The following WIZ variants were observed in gnomAD, a reference collection of about 807,000 sequenced individuals.
WIZ encodes the protein protein Wiz.
WIZ carries 25 observed loss-of-function variants against 140.2 expected under a neutral mutation model. The ratio of observed to expected loss-of-function variants is 0.18; its 90% CI spans 0.13 to 0.25. The LOEUF (loss-of-function observed/expected upper bound fraction) is 0.25. Among genes scored for constraint, WIZ ranks in the 10% least tolerant of loss-of-function variants. The probability of loss-of-function intolerance (pLI) is 1.00; values close to 1 mark genes in which losing one functional copy is unlikely to be tolerated. For missense variants in WIZ, 2,231 were observed against 2,632.6 expected (o/e 0.85, Z 3.34); for synonymous variants, 1,125 against 1,154.3 (o/e 0.97, Z 0.51).
Position 15,429,971 on chromosome 19 carries a change from G to A in WIZ, c.3030C>T (p.Gly1010=), listed in dbSNP as rs189657005. The change falls in exon 7 of 13, where the codon GGC becomes GGT. Residue 1010 remains glycine (G), a synonymous_variant. Coordinates refer to ENST00000673675, the MANE Select transcript of WIZ (RefSeq NM_001371589.1). ...QLGVAESESS[G]APIDLLYELV... Reference sequence around the variant, plus strand: ...GCTCGTAGAGGAGGTCGATGGGTGCGCCGCTGCTTTCCGACTCTGCCACTC... The same window carrying A: ...GCTCGTAGAGGAGGTCGATGGGTGCACCGCTGCTTTCCGACTCTGCCACTC... 1,752 of 1,536,014 alleles carry A rather than the reference G, an allele frequency of 1.1e-3. 2 individuals are homozygous for A. The highest frequency in any genetic ancestry group is 2.3e-3 in the Admixed American group (118 of 51,004).
chr19:15,430,120 G>C (rs1257073851), intron 6 of WIZ, 31 bp from the exon 7 acceptor site: 1 of 1,481,852 alleles, frequency 6.7e-7, no homozygotes, highest in East Asian at 2.5e-5. Flanking sequence ...CGGGAGAGCA[G>C]GCTGTGAGGC....
rs1240708851 is a variant in WIZ, at chr19:15,439,662, G to A, written c.1332C>T (p.Ser444=). The A allele has an allele frequency of 1.3e-6, 2 of 1,500,992 alleles. No homozygotes were observed. The highest frequency in any genetic ancestry group is 2.5e-5 in the South Asian group (2 of 79,834). The allele number at this position is 1,500,992 out of a possible 1,614,324, so 93.0% of individuals were successfully genotyped here. Residue 444 remains serine (S), a synonymous_variant, in exon 4 of 13, where the codon AGC becomes AGT. Coordinates refer to ENST00000673675, the MANE Select transcript of WIZ (RefSeq NM_001371589.1). The surrounding 1 kb of genome is among the most constrained non-coding windows in gnomAD (Gnocchi z 7.0). The part of the protein sequence containing the change: ...EPFGGSSGAG[S]PSPEASALLY... ...GGAGGGCGCTGGCCTCAGGGCTGGG[G>A]CTGCCAGCCCCGCTGCTGCCTCCAA...
At chr19:15,426,098 G>A (rs562531740) in intron 9 of WIZ, among the ~76,000 whole-genome samples, 78 of 151,596 alleles carry the variant, frequency 5.1e-4, no homozygotes, top group Non-Finnish European at 1.0e-3. Context: ...AATTCTAGCT[G>A]GCTTCAAGAT....
Position 15,421,513 on chromosome 19 carries a change from A to C in WIZ, c.*1563T>G, listed in dbSNP as rs1239838291. The stretch of plus-strand genomic sequence containing the variant: ...GATGAGCTGAAAAACCACATGCAAT[A>C]AACAAGAAGGAGCAGCCAACAAAAT... On this transcript the variant is annotated 3_prime_UTR_variant, in exon 13 of 13. Coordinates refer to ENST00000673675, the MANE Select transcript of WIZ (RefSeq NM_001371589.1). The C allele has an allele frequency of 1.3e-5, 2 of 152,306 alleles. No homozygotes were observed. The highest frequency in any genetic ancestry group is 2.9e-5 in the Non-Finnish European group (2 of 68,052). 9.4% of individuals were successfully genotyped at this position (152,306 alleles called of 1,614,324 possible). A position where few individuals can be genotyped will look rare whatever the true frequency, so the allele number is the denominator to read the frequency against.
rs1969605365 is a variant in WIZ at position 15,438,680 on chromosome 19, G to C, written c.2314C>G (p.Leu772Val). 6.5e-7 allele frequency: 1 copy of C among 1,536,038 alleles called. No homozygotes were observed. Among genetic ancestry groups the C allele is most frequent in the Non-Finnish European group, 8.7e-7 (1 of 1,146,886 alleles). Residue 772 changes from leucine (L) to valine (V), a missense_variant, in exon 4 of 13, where the codon CTG becomes GTG. By Grantham distance (32) the Leu-to-Val change is conservative (BLOSUM62 1). This residue lies in a region of WIZ where 118 missense variants were observed against 209.1 expected (regional missense o/e 0.56). Coordinates refer to ENST00000673675, the MANE Select transcript of WIZ (RefSeq NM_001371589.1). ...TTGTAGCTGACGCCCACGCGGTTCA[G>C]GTGGCCCCGGACGTGGTTGGCCAAG... ...IGLANHVRGH[L>V]NRVGVSYNVR...
At chr19:15,433,213 C>T (rs893526740) in intron 5 of WIZ, 7 of 977,816 alleles carry the variant, frequency 7.2e-6, no homozygotes, top group Non-Finnish European at 7.3e-6. Context: ...GTTATCCAAC[C>T]GTCCCCCGAC....
At chr19:15,434,600 A>AG (rs970198170) in intron 5 of WIZ, among the ~76,000 whole-genome samples, 3 of 151,554 alleles carry the variant, frequency 2.0e-5, no homozygotes, top group Non-Finnish European at 4.4e-5. Flanking sequence ...AAAAAAAAAA[A>AG]AAGAAGGAAT....
rs754050341 is a variant in WIZ at position 15,436,740 on chromosome 19, G to GC, written c.2740+65dup. 2.8e-5 allele frequency: 40 copies of GC among 1,426,446 alleles called. No individual in the cohort carries two copies. The South Asian group carries it at 5.7e-4, about 20-fold the overall frequency. The allele number at this position is 1,426,446 out of a possible 1,614,324, so 88.4% of individuals were successfully genotyped here. On this transcript the variant is annotated intron_variant, in intron 5 of 12. Transcript: ENST00000673675. ...GCTGAGCGGCTGCCCCTCCAGCCCC[G>GC]CCCCTCCAATGCTCTGGGCCCCTGG...
intron 5 of WIZ, among the ~76,000 whole-genome samples, chr19:15,435,324 C>T (rs996986524): frequency 1.3e-5 from 2 of 151,904 alleles, no homozygotes; most frequent in Non-Finnish European, 1.5e-5. Context: ...AGTACAGGGG[C>T]CAGGCGTGAT....
intron 6 of WIZ, 45 bp from the exon 7 acceptor site, chr19:15,430,134 C>T (rs1422413275): frequency 6.9e-6 from 10 of 1,458,120 alleles, no homozygotes; most frequent in South Asian, 4.1e-5. Flanking sequence ...GTGAGGCCCA[C>T]GGCCCAGCTC....
At chr19:15,443,631 T>C (rs1969819617) in intron 2 of WIZ, among the ~76,000 whole-genome samples, 1 of 152,200 alleles carries the variant, frequency 6.6e-6, no homozygotes, top group South Asian at 2.1e-4. Context: ...ACCTGTTTCA[T>C]TTCTTTCTTA....
intron 2 of WIZ, among the ~76,000 whole-genome samples, chr19:15,444,419 G>A (rs1313149308): frequency 6.6e-6 from 1 of 152,178 alleles, no homozygotes; most frequent in Non-Finnish European, 1.5e-5. Context: ...CAGCACCATT[G>A]GCATTTGGGG....
chr19:15,425,789 G>A lies in WIZ; in HGVS notation c.4367-21C>T, dbSNP rs749671668. ...GGACGCTGCAGGGGATCCAGGGTAG[G>A]GGGAAGGAGGAGGAGGAGGAGGAGG... On this transcript the variant is annotated intron_variant, in intron 9 of 12. Coordinates refer to ENST00000673675, the MANE Select transcript of WIZ (RefSeq NM_001371589.1). 2.3e-4 allele frequency: 322 copies of A among 1,403,078 alleles called. 3 individuals carry two copies. The African/African-American group carries it at 5.6e-3, about 24-fold the overall frequency. The allele number at this position is 1,403,078 out of a possible 1,614,324, so 86.9% of individuals were successfully genotyped here. A position where few individuals can be genotyped will look rare whatever the true frequency, so the allele number is the denominator to read the frequency against.
chr19:15,433,109 G>T, intron 5 of WIZ: 2 of 366,968 alleles, frequency 5.5e-6, no homozygotes, highest in Non-Finnish European at 7.6e-6. Flanking sequence ...CTAGGACCCT[G>T]CCCCATTCCC....
chr19:15,424,267 A>G lies in WIZ; in HGVS notation c.5426T>C (p.Val1809Ala). ...GGGCACCAGGGAGGGGACTGGCCGG[A>G]CTCGGGGTGGGGGTTGCCGCACCTC... The part of the protein sequence containing the change: ...LEEVRQPPPR[V>A]RPVPSLVPRP... Residue 1809 changes from valine (V) to alanine (A), a missense_variant, in exon 12 of 13, where the codon GTC becomes GCC. Physicochemically the swap from Val to Ala is moderately conservative, Grantham distance 64. This residue lies in a region of WIZ where 299 missense variants were observed against 309.6 expected (regional missense o/e 0.97). Coordinates refer to ENST00000673675, the MANE Select transcript of WIZ (RefSeq NM_001371589.1). This position sits in a 1 kb window ranked among gnomAD's most constrained non-coding sequence, Gnocchi z 9.7. 1 of 1,587,696 alleles carries G rather than the reference A, an allele frequency of 6.3e-7. No individual in the cohort carries two copies. The highest frequency in any genetic ancestry group is 8.5e-7 in the Non-Finnish European group (1 of 1,170,672).
At chr19:15,426,880 T>C in intron 9 of WIZ, 102 bp downstream of exon 9, 1 of 1,399,424 alleles carries the variant, frequency 7.1e-7, no homozygotes, top group Non-Finnish European at 9.7e-7. Context: ...CTGCGTGTCC[T>C]CCCTTCCAAT....
intron 5 of WIZ, among the ~76,000 whole-genome samples, chr19:15,434,585 C>CA (rs5827287): frequency 0.79 from 97,623 of 123,924 alleles, 37,952 homozygotes; most frequent in East Asian, 0.97. Context: ...GACTCCATCT[C>CA]AAAAAAAAAA....
At position 15,438,878 on chromosome 19, in the gene WIZ, G is replaced by A. The variant is rs1157298628; in HGVS notation, c.2116C>T (p.Pro706Ser). 6.2e-6 allele frequency: 9 copies of A among 1,459,808 alleles called. No homozygotes were observed. Among genetic ancestry groups the A allele is most frequent in the East Asian group, 2.5e-5 (1 of 40,112 alleles). 90.4% of individuals were successfully genotyped at this position (1,459,808 alleles called of 1,614,324 possible). Residue 706 changes from proline to serine, a missense_variant, in exon 4 of 13, where the codon CCC (proline) becomes TCC (serine). Around this residue, in one of 15 missense-constraint regions of WIZ, gnomAD observed 475 missense variants for 520.2 expected, o/e 0.91. Coordinates refer to ENST00000673675, the MANE Select transcript of WIZ (RefSeq NM_001371589.1). ...GCGCCTGCCAGCCCCAGCTCCTCGGGCTGCAACCTTGGGGGCACCCTGGCT... is the reference window on the plus strand; with the variant it reads ...GCGCCTGCCAGCCCCAGCTCCTCGGACTGCAACCTTGGGGGCACCCTGGCT... ...AAARVPPRLQ[P>S]EELGLAGAHP...
At position 15,428,265 on chromosome 19, in the gene WIZ, G is replaced by T. The variant is rs1255023011; in HGVS notation, c.3659C>A (p.Ala1220Glu). 6 of 1,528,074 alleles carry T rather than the reference G, an allele frequency of 3.9e-6. No individual in the cohort carries two copies. The highest frequency in any genetic ancestry group is 4.4e-6 in the Non-Finnish European group (5 of 1,143,892). 94.7% of individuals were successfully genotyped at this position (1,528,074 alleles called of 1,614,324 possible). A position where few individuals can be genotyped will look rare whatever the true frequency, so the allele number is the denominator to read the frequency against. Reference protein sequence around the residue: ...AHPGRPPPTSAALSLLPPPPP... With the variant: ...AHPGRPPPTSEALSLLPPPPP... ...TGGGGGGGGAAGCAAGGAGAGGGCCGCGGAGGTGGGAGGCGGCCGCCCCGG... is the reference window on the plus strand; with the variant it reads ...TGGGGGGGGAAGCAAGGAGAGGGCCTCGGAGGTGGGAGGCGGCCGCCCCGG... Residue 1220 changes from alanine (A) to glutamate (E), a missense_variant, in exon 8 of 13, where the codon GCG (alanine) becomes GAG (glutamate). Around this residue, in one of 15 missense-constraint regions of WIZ, gnomAD observed 141 missense variants for 161.2 expected, o/e 0.87. Coordinates refer to ENST00000673675, the MANE Select transcript of WIZ (RefSeq NM_001371589.1). This position sits in a 1 kb window ranked among gnomAD's most constrained non-coding sequence, Gnocchi z 6.4.
Sources: gnomAD v4.1 joint callset for allele counts (sites outside exome capture counted in the v4.1 genomes callset) on GRCh38, gnomAD v4.1.1 for gene constraint, gnomAD v4.1.1 regional missense constraint, Gnocchi (gnomAD v3.1) non-coding constraint, MANE v1.5 for transcripts, NCBI Gene and HGNC (gene_info 2026-07-23, HGNC 2026-07-21) for gene names.